SIGLEC10: variants seen among roughly 807,000 people sequenced by gnomAD.
The protein encoded by SIGLEC10 is sialic acid binding Ig like lectin 10.
Under a neutral mutation model 68.3 loss-of-function variants are expected in SIGLEC10, and 45 were observed. The observed-to-expected ratio is 0.66, with a 90% CI of 0.52 to 0.84. The LOEUF (loss-of-function observed/expected upper bound fraction) is 0.84. Among genes scored for constraint, SIGLEC10 ranks in the 40% least tolerant of loss-of-function variants. The pLI is 0.00. For synonymous variants in SIGLEC10, 379 were observed against 370.8 expected, an observed-to-expected ratio of 1.02 and a Z score of -0.26; for missense variants, 789 against 883.1, an observed-to-expected ratio of 0.89 and a Z score of 1.35.
In SIGLEC10 at chr19:51,410,871, A is replaced by G; in HGVS notation, c.*228T>C. The G allele has an allele frequency of 2.2e-6, 1 of 451,526 alleles. No homozygotes were observed. The allele number at this position is 451,526 out of a possible 1,614,324, so 28.0% of individuals were successfully genotyped here. On this transcript the variant is annotated 3_prime_UTR_variant, in exon 11 of 11. Coordinates refer to ENST00000339313, the MANE Select transcript of SIGLEC10 (RefSeq NM_033130.5). Reference sequence around the variant, plus strand: ...ACCAAGTTGGCCAGGCTGGTCTCGAACTCCCGACCTCAGGCGATCTGCCCA... The same window carrying G: ...ACCAAGTTGGCCAGGCTGGTCTCGAGCTCCCGACCTCAGGCGATCTGCCCA...
chr19:51,417,267 C>A lies in SIGLEC10; in HGVS notation c.236G>T (p.Ser79Ile). Residue 79 changes from serine (S) to isoleucine (I), a missense_variant, in exon 2 of 11, where the codon AGT becomes ATT. By Grantham distance (142) the Ser-to-Ile change is moderately radical. Transcript: ENST00000339313. ...CCGGGTGCTCATTTCCACCTCTCGACTCTGGTGGTTTGTGGCCACAGGAGC... is the reference window on the plus strand; with the variant it reads ...CCGGGTGCTCATTTCCACCTCTCGAATCTGGTGGTTTGTGGCCACAGGAGC... ...KGAPVATNHQ[S>I]REVEMSTRGR... The A allele has an allele frequency of 6.2e-7, 1 of 1,614,228 alleles. No individual in the cohort carries two copies. Among genetic ancestry groups the A allele is most frequent in the Non-Finnish European group, 8.5e-7 (1 of 1,180,040 alleles).
Position 51,414,754 on chromosome 19 carries a change from C to A in SIGLEC10, c.1615+70G>T. 6.3e-7 allele frequency: 1 copy of A among 1,599,524 alleles called. No individual in the cohort carries two copies. Among genetic ancestry groups the A allele is most frequent in the Non-Finnish European group, 8.5e-7 (1 of 1,174,660 alleles). On this transcript the variant is annotated intron_variant, in intron 8 of 10. Coordinates refer to ENST00000339313, the MANE Select transcript of SIGLEC10 (RefSeq NM_033130.5). This position sits in a 1 kb window ranked among gnomAD's most constrained non-coding sequence, Gnocchi z 4.1. The stretch of plus-strand genomic sequence containing the variant: ...TGTCCCTCCAAGCTCCTGCTCCAAC[C>A]ACAGGACCCTACTCTTTGCCCCAGT...
Position 51,415,105 on chromosome 19 carries a change from G to T in SIGLEC10, c.1334C>A (p.Ser445Tyr). 6.4e-7 allele frequency: 1 copy of T among 1,573,550 alleles called. No homozygotes were observed. The highest frequency in any genetic ancestry group is 8.6e-7 in the Non-Finnish European group (1 of 1,161,526). ...GCAGGAGGGGCCCAGCAGCTTCGGG[G>T]AGTCTGAGGGGAGGGAGGACAGGAC... ...HVSLSLSVHYSPKLLGPSCSW... is the reference protein window; with the variant it reads ...HVSLSLSVHYYPKLLGPSCSW... The change falls in exon 8 of 11, where the codon TCC (serine) becomes TAC (tyrosine). Residue 445 changes from serine (S) to tyrosine (Y), a missense_variant. Transcript: ENST00000339313.
Position 51,414,477 on chromosome 19 carries a change from C to T in SIGLEC10, c.1654G>A (p.Ala552Thr), listed in dbSNP as rs756185296. 6.8e-6 allele frequency: 11 copies of T among 1,613,964 alleles called. No homozygotes were observed. The highest frequency in any genetic ancestry group is 1.7e-6 in the Non-Finnish European group (2 of 1,180,018). The change falls in exon 9 of 11, where the codon GCG becomes ACG. Residue 552 changes from alanine (A) to threonine (T), a missense_variant. By Grantham distance (58) the Ala-to-Thr change is moderately conservative (BLOSUM62 0). Coordinates refer to ENST00000339313, the MANE Select transcript of SIGLEC10 (RefSeq NM_033130.5). This position sits in a 1 kb window ranked among gnomAD's most constrained non-coding sequence, Gnocchi z 4.1. ...GLISTAFSNG[A>T]FLGIGITALL... ...GCCGTGATGCCGATTCCCAGAAACG[C>T]TCCGTTGGAGAATGCCGTTGAGATG...
In SIGLEC10 at chr19:51,414,688, T is replaced by C. The variant is rs1988397048; in HGVS notation, c.1615+136A>G. 4.9e-6 allele frequency: 7 copies of C among 1,441,266 alleles called. No individual in the cohort carries two copies. The highest frequency in any genetic ancestry group is 6.8e-6 in the Non-Finnish European group (7 of 1,036,260). The allele number at this position is 1,441,266 out of a possible 1,614,324, so 89.3% of individuals were successfully genotyped here. On this transcript the variant is annotated intron_variant, in intron 8 of 10. Transcript: ENST00000339313. The surrounding 1 kb of genome is among the most constrained non-coding windows in gnomAD (Gnocchi z 4.1). ...CCGGCCCAGGTGTTAGGACTTCCCA[T>C]TGTGTTTTCCTGTCTACATACAGAT...
Position 51,416,125 on chromosome 19 carries a change from G to T in SIGLEC10, c.797C>A (p.Ala266Asp). 1.2e-6 allele frequency: 2 copies of T among 1,607,930 alleles called. No homozygotes were observed. The highest frequency in any genetic ancestry group is 1.7e-6 in the Non-Finnish European group (2 of 1,177,152). The change falls in exon 5 of 11, where the codon GCC (alanine) becomes GAC (aspartate). Residue 266 changes from alanine to aspartate, a missense_variant. By Grantham distance (126) the Ala-to-Asp change is moderately radical. Coordinates refer to ENST00000339313, the MANE Select transcript of SIGLEC10 (RefSeq NM_033130.5). Reference sequence around the variant, plus strand: ...GAGCCGCAGGAACTGGCCTTTTTGGGCTTCCAGGTATGGGACATTTCCCTG... The same window carrying T: ...GAGCCGCAGGAACTGGCCTTTTTGGTCTTCCAGGTATGGGACATTTCCCTG... ...QPQGNVPYLE[A>D]QKGQFLRLLC...
chr19:51,411,025 C>T lies in SIGLEC10; in HGVS notation c.*74G>A, dbSNP rs1987949977. ...GAGAGAGGGAGAGAAGGAAACTTTG[C>T]ACTCTGTTATCTTCAACCTCTTACT... On this transcript the variant is annotated 3_prime_UTR_variant, in exon 11 of 11. Coordinates refer to ENST00000339313, the MANE Select transcript of SIGLEC10 (RefSeq NM_033130.5). The T allele has an allele frequency of 5.4e-6, 8 of 1,494,866 alleles. No individual in the cohort carries two copies. The highest frequency in any genetic ancestry group is 7.2e-6 in the Non-Finnish European group (8 of 1,108,210). 92.6% of individuals were successfully genotyped at this position (1,494,866 alleles called of 1,614,324 possible).
At position 51,414,668 on chromosome 19, in the gene SIGLEC10, C is replaced by G. The variant is rs1465603382; in HGVS notation, c.1616-153G>C. On this transcript the variant is annotated intron_variant, in intron 8 of 10. Transcript: ENST00000339313. The surrounding 1 kb of genome is among the most constrained non-coding windows in gnomAD (Gnocchi z 4.1). ...TTAGGAAACCCTGCCACACCCCGGC[C>G]CAGGTGTTAGGACTTCCCATTGTGT... The G allele has an allele frequency of 1.4e-6, 2 of 1,394,840 alleles. No homozygotes were observed. Among genetic ancestry groups the G allele is most frequent in the East Asian group, 2.3e-5 (1 of 43,600 alleles). 86.4% of individuals were successfully genotyped at this position (1,394,840 alleles called of 1,614,324 possible). A position where few individuals can be genotyped will look rare whatever the true frequency, so the allele number is the denominator to read the frequency against.
At chr19:51,412,484 C>CT (rs529570279) in intron 10 of SIGLEC10, among the ~76,000 whole-genome samples, 110 of 143,216 alleles carry the variant, frequency 7.7e-4, no homozygotes, top group African/African-American at 8.4e-4. Context: ...TGGAATTAGT[C>CT]TTTTTTTTTT....
chr19:51,412,931 C>T (rs1352712176), intron 10 of SIGLEC10, among the ~76,000 whole-genome samples: 1 of 152,032 alleles, frequency 6.6e-6, no homozygotes, highest in Non-Finnish European at 1.5e-5. Context: ...CCACACCCGG[C>T]TAATTTTTTA....
intron 5 of SIGLEC10, 120 bp from the exon 6 acceptor site, chr19:51,415,735 C>A: frequency 6.3e-7 from 1 of 1,575,548 alleles, no homozygotes; most frequent in Non-Finnish European, 8.6e-7. Flanking sequence ...GGCAGAATCA[C>A]CCACTGAGTC....
In SIGLEC10 at chr19:51,417,160, G is replaced by C; in HGVS notation, c.343C>G (p.Gln115Glu). The change falls in exon 2 of 11, where the codon CAG becomes GAG. Residue 115 changes from glutamine to glutamate, a missense_variant. By Grantham distance (29) the Gln-to-Glu change is conservative (BLOSUM62 2). Transcript: ENST00000339313. ...IRDAQMQDES[Q>E]YFFRVERGSY... is the part of the protein sequence containing the mutation. ...CCTCTCTCCACCCGAAAGAAGTACT[G>C]TGACTCATCCTGCATCTGCGCGTCT... 6.2e-7 allele frequency: 1 copy of C among 1,614,190 alleles called. No individual in the cohort carries two copies. Among genetic ancestry groups the C allele is most frequent in the Non-Finnish European group, 8.5e-7 (1 of 1,180,024 alleles).
At position 51,417,216 on chromosome 19, in the gene SIGLEC10, G is replaced by A; in HGVS notation, c.287C>T (p.Pro96Leu). The A allele has an allele frequency of 6.2e-7, 1 of 1,614,216 alleles. No homozygotes were observed. The highest frequency in any genetic ancestry group is 1.7e-5 in the Admixed American group (1 of 60,034). The change falls in exon 2 of 11, where the codon CCC becomes CTC. Residue 96 changes from proline (P) to leucine (L), a missense_variant. Physicochemically the swap from Pro to Leu is moderately conservative, Grantham distance 98 (BLOSUM62 -3). Coordinates refer to ENST00000339313, the MANE Select transcript of SIGLEC10 (RefSeq NM_033130.5). The part of the protein sequence containing the change: ...TRGRFQLTGD[P>L]AKGNCSLVIR... ...CACCAAGGAGCAGTTCCCCTTGGCG[G>A]GATCCCCAGTGAGCTGGAATCGGCC...
At chr19:51,415,793 C>T (rs1176439959) in intron 5 of SIGLEC10, 105 bp downstream of exon 5, 7 of 1,582,080 alleles carry the variant, frequency 4.4e-6, no homozygotes, top group Non-Finnish European at 6.0e-6. Flanking sequence ...AGGTCGGTCT[C>T]CGAGGCCTGG....
chr19:51,415,627 A>T lies in SIGLEC10; in HGVS notation c.1025-12T>A, dbSNP rs780740724. On this transcript the variant is annotated splice_polypyrimidine_tract_variant and intron_variant, in intron 5 of 10. Coordinates refer to ENST00000339313, the MANE Select transcript of SIGLEC10 (RefSeq NM_033130.5). Reference sequence around the variant, plus strand: ...GTTCTCTGGAGGATCTGAAATGGAGACAGGGGACCGGCTCTAGACGGACCA... The same window carrying T: ...GTTCTCTGGAGGATCTGAAATGGAGTCAGGGGACCGGCTCTAGACGGACCA... 7 of 1,613,856 alleles carry T rather than the reference A, an allele frequency of 4.3e-6. No individual in the cohort carries two copies. The highest frequency in any genetic ancestry group is 5.9e-6 in the Non-Finnish European group (7 of 1,179,822).
rs376276104 is a variant in SIGLEC10, at chr19:51,411,127, G to A, written c.2066C>T (p.Ala689Val). 5.5e-5 allele frequency: 89 copies of A among 1,613,906 alleles called. No homozygotes were observed. The highest frequency in any genetic ancestry group is 1.6e-4 in the Middle Eastern group (1 of 6,084). ...PEARMPKGTQ[A>V]DYAEVKFQ ...TTGGAACTTGACTTCTGCATAATCCGCCTGGGTGCCCTTGGGCATCCGGGC... is the reference window on the plus strand; with the variant it reads ...TTGGAACTTGACTTCTGCATAATCCACCTGGGTGCCCTTGGGCATCCGGGC... The change falls in exon 11 of 11, where the codon GCG becomes GTG. Residue 689 changes from alanine to valine, a missense_variant. Ala to Val is a moderately conservative substitution (Grantham distance 64). Coordinates refer to ENST00000339313, the MANE Select transcript of SIGLEC10 (RefSeq NM_033130.5).
chr19:51,417,164 C>A lies in SIGLEC10; in HGVS notation c.339G>T (p.Glu113Asp). The change falls in exon 2 of 11, where the codon GAG (glutamate) becomes GAT (aspartate). Residue 113 changes from glutamate to aspartate, a missense_variant. Transcript: ENST00000339313. Reference sequence around the variant, plus strand: ...TCTCCACCCGAAAGAAGTACTGTGACTCATCCTGCATCTGCGCGTCTCTGA... The same window carrying A: ...TCTCCACCCGAAAGAAGTACTGTGAATCATCCTGCATCTGCGCGTCTCTGA... The part of the protein sequence containing the change: ...LVIRDAQMQD[E>D]SQYFFRVERG... 1 of 1,614,238 alleles carries A rather than the reference C, an allele frequency of 6.2e-7. No individual in the cohort carries two copies. The highest frequency in any genetic ancestry group is 1.3e-5 in the African/African-American group (1 of 75,074).
In SIGLEC10 at chr19:51,417,555, C is replaced by T. The variant is rs1157222502; in HGVS notation, c.27G>A (p.Ser9=). 1.4e-5 allele frequency: 22 copies of T among 1,614,118 alleles called. No individual in the cohort carries two copies. The highest frequency in any genetic ancestry group is 1.8e-5 in the Non-Finnish European group (21 of 1,180,044). The change falls in exon 1 of 11, where the codon TCG becomes TCA. Residue 9 remains serine (S), a synonymous_variant. Transcript: ENST00000339313. ...CCTTGGCCCACTCACCGCCCAGCAGCGAGGACAGCAGCAGTGGCAGTAGCA... is the reference window on the plus strand; with the variant it reads ...CCTTGGCCCACTCACCGCCCAGCAGTGAGGACAGCAGCAGTGGCAGTAGCA... MLLPLLLS[S]LLGGSQAMDG...
In SIGLEC10 at chr19:51,410,986, G is replaced by A; in HGVS notation, c.*113C>T. 8.1e-7 allele frequency: 1 copy of A among 1,233,916 alleles called. No homozygotes were observed. The highest frequency in any genetic ancestry group is 1.1e-6 in the Non-Finnish European group (1 of 885,894). The allele number at this position is 1,233,916 out of a possible 1,614,324, so 76.4% of individuals were successfully genotyped here. A position where few individuals can be genotyped will look rare whatever the true frequency, so the allele number is the denominator to read the frequency against. ...TAAAAGAGAGAGAAAGAGAGAGAGA[G>A]AGAGAAAGAGAGAGAGAGAGGGAGA... On this transcript the variant is annotated 3_prime_UTR_variant, in exon 11 of 11. Transcript: ENST00000339313.
Sources: gnomAD v4.1 joint callset for allele counts (sites outside exome capture counted in the v4.1 genomes callset) on GRCh38, gnomAD v4.1.1 for gene constraint, Gnocchi (gnomAD v3.1) non-coding constraint, MANE v1.5 for transcripts, NCBI Gene and HGNC (gene_info 2026-07-23, HGNC 2026-07-21) for gene names.